The following ACIN1 variants were observed in gnomAD, a reference collection of about 807,000 sequenced individuals.
ACIN1 encodes the protein apoptotic chromatin condensation inducer 1, also known as apoptotic chromatin condensation inducer in the nucleus.
A neutral mutation model predicts 146.6 loss-of-function variants in ACIN1; 16 were observed. That is an observed-to-expected ratio of 0.11 (90% CI 0.07 to 0.17). The LOEUF (loss-of-function observed/expected upper bound fraction) is 0.17. ACIN1 is among the 10% of genes least tolerant of loss of function. ACIN1 has a pLI of 1.00. For synonymous variants in ACIN1, 569 were observed against 582.7 expected (o/e 0.98, Z 0.34); for missense variants, 1,357 against 1,609.3 (o/e 0.84, Z 2.68).
At chr14:23,072,081 G>A (rs1395723837) in intron 8 of ACIN1, among the ~76,000 whole-genome samples, 1 of 152,150 alleles carries the variant, frequency 6.6e-6, no homozygotes, top group African/African-American at 2.4e-5. Context: ...GAGGTGGGAT[G>A]GGAATTGTCA....
chr14:23,094,635 G>T, intron 1 of ACIN1: 4 of 850,826 alleles, frequency 4.7e-6, no homozygotes, highest in Non-Finnish European at 6.2e-6. Flanking sequence ...CAGCAACGCC[G>T]TAGGTTGTAG....
chr14:23,084,616 G>GAA (rs1197980124), intron 4 of ACIN1, among the ~76,000 whole-genome samples: 1,290 of 105,162 alleles, frequency 0.012, 23 homozygotes, highest in African/African-American at 0.046. Context: ...TCTCAAAAAA[G>GAA]AAAAAAAAAA....
In ACIN1 at chr14:23,079,574, A is replaced by AGAATGT. The variant is rs148403158; in HGVS notation, c.1760_1761insACATTC (p.Ser587_Arg588insHisSer). ...TTCTGCTGTTGCTTGATGCTGAACG[A>AGAATGT]GAACGTGAACGTGACCTTGATCTGG... On this transcript the variant is annotated inframe_insertion, in exon 6 of 19. Coordinates refer to ENST00000605057, the MANE Select transcript of ACIN1 (RefSeq NM_001386863.1). 2.6e-6 allele frequency: 4 copies of AGAATGT among 1,555,996 alleles called. No homozygotes were observed. The highest frequency in any genetic ancestry group is 1.4e-5 in the African/African-American group (1 of 73,578).
In ACIN1 at chr14:23,061,409, G is replaced by A. The variant is rs1159894752; in HGVS notation, c.3313C>T (p.Arg1105Cys). The change falls in exon 17 of 19, where the codon CGT becomes TGT. Residue 1105 changes from arginine (R) to cysteine (C), a missense_variant. Transcript: ENST00000605057. ...CGAACTTTGTCCCGATCCCATTCAC[G>A]CTCTGATCGAGTCCGCTCCCGCCGC... Reference protein sequence around the residue: ...MERRERTRSEREWDRDKVREG... With the variant: ...MERRERTRSECEWDRDKVREG... The A allele has an allele frequency of 1.2e-6, 2 of 1,613,748 alleles. No homozygotes were observed. The highest frequency in any genetic ancestry group is 1.3e-5 in the African/African-American group (1 of 74,842).
At chr14:23,082,250 A>G (rs972760092) in intron 4 of ACIN1, among the ~76,000 whole-genome samples, 1 of 152,116 alleles carries the variant, frequency 6.6e-6, no homozygotes, top group African/African-American at 2.4e-5. Context: ...GCCTATTACT[A>G]CTACTTTCTA....
At chr14:23,062,336 G>C in intron 15 of ACIN1, 61 bp from the exon 16 acceptor site, 1 of 1,597,782 alleles carries the variant, frequency 6.3e-7, no homozygotes, top group Non-Finnish European at 8.6e-7. Flanking sequence ...CCCACGTGCT[G>C]CAACACCCTT....
At position 23,061,529 on chromosome 14, in the gene ACIN1, G is replaced by A. The variant is rs200716121; in HGVS notation, c.3193C>T (p.Pro1065Ser). Reference protein sequence around the residue: ...IPRPLHPPPPPPVQPPQHPRA... With the variant: ...IPRPLHPPPPSPVQPPQHPRA... The stretch of plus-strand genomic sequence containing the variant: ...GGGTGCTGTGGTGGCTGGACCGGGG[G>A]TGGGGGTGGGGGGTGCAGGGGCCGT... Residue 1065 changes from proline (P) to serine (S), a missense_variant, in exon 17 of 19, where the codon CCC (proline) becomes TCC (serine). Pro to Ser is a moderately conservative substitution (Grantham distance 74). Coordinates refer to ENST00000605057, the MANE Select transcript of ACIN1 (RefSeq NM_001386863.1). The A allele has an allele frequency of 3.7e-4, 587 of 1,603,148 alleles. 6 individuals are homozygous for A. In the Admixed American group the frequency reaches 9.3e-3, roughly 26 times the overall value.
intron 8 of ACIN1, among the ~76,000 whole-genome samples, chr14:23,074,328 G>A (rs1031455944): frequency 1.3e-5 from 2 of 151,904 alleles, no homozygotes; most frequent in Admixed American, 1.3e-4. Context: ...CACTTTGGGA[G>A]GCTGAGACAG....
chr14:23,084,395 G>A (rs189919903), intron 4 of ACIN1, among the ~76,000 whole-genome samples: 68 of 152,120 alleles, frequency 4.5e-4, no homozygotes, highest in Admixed American at 1.0e-3. Flanking sequence ...TCACGAGGTC[G>A]GGAGTTTGAG....
At chr14:23,091,340 T>C (rs1017178801) in intron 2 of ACIN1, among the ~76,000 whole-genome samples, 1 of 152,146 alleles carries the variant, frequency 6.6e-6, no homozygotes, top group African/African-American at 2.4e-5. Flanking sequence ...GGCTCACGTC[T>C]GTAATCCCAG....
intron 3 of ACIN1, 48 bp from the exon 4 acceptor site, chr14:23,090,149 G>A (rs548275546): frequency 2.5e-6 from 4 of 1,594,926 alleles, no homozygotes; most frequent in East Asian, 2.2e-5. Flanking sequence ...GAAGGACTCA[G>A]CATGTAGGAA....
intron 5 of ACIN1, 28 bp downstream of exon 5, chr14:23,081,720 G>T (rs578100495): frequency 1.9e-6 from 3 of 1,549,466 alleles, no homozygotes; most frequent in Admixed American, 1.8e-5. Flanking sequence ...TACTGAAGAG[G>T]TAATGCTTTA....
chr14:23,081,287 TTGAA>T (rs1251928860), intron 5 of ACIN1, among the ~76,000 whole-genome samples: 2 of 152,238 alleles, frequency 1.3e-5, no homozygotes, highest in Non-Finnish European at 2.9e-5. Flanking sequence ...AAAGCTTTGA[TTGAA>T]TGGTTAATTA....
chr14:23,093,346 T>G, intron 2 of ACIN1, 133 bp downstream of exon 2: 4 of 892,152 alleles, frequency 4.5e-6, no homozygotes, highest in Non-Finnish European at 7.1e-6. Flanking sequence ...TGTCCTGGTT[T>G]GAGAACATTT....
In ACIN1 at chr14:23,068,207, T is replaced by C; in HGVS notation, c.2265+1269A>G. On this transcript the variant is annotated intron_variant, in intron 9 of 18. Transcript: ENST00000605057. This position sits in a 1 kb window ranked among gnomAD's most constrained non-coding sequence, Gnocchi z 4.3. ...TCACAGCTTAAGTAGAGGGTCCCAC[T>C]CAGTGTTTTACAGCATGGCACTGCG... 1 of 985,884 alleles carries C rather than the reference T, an allele frequency of 1.0e-6. No individual in the cohort carries two copies. Among genetic ancestry groups the C allele is most frequent in the Non-Finnish European group, 1.2e-6 (1 of 829,946 alleles). The allele number at this position is 985,884 out of a possible 1,614,324, so 61.1% of individuals were successfully genotyped here.
chr14:23,064,193 T>A lies in ACIN1; in HGVS notation c.2507A>T (p.Asp836Val). Residue 836 changes from aspartate to valine, a missense_variant, in exon 12 of 19, where the codon GAC becomes GTC. Physicochemically the swap from Asp to Val is radical, Grantham distance 152. Around this residue, in one of 4 missense-constraint regions of ACIN1, gnomAD observed 509 missense variants for 719.6 expected, o/e 0.71. Coordinates refer to ENST00000605057, the MANE Select transcript of ACIN1 (RefSeq NM_001386863.1). ...QEAVVDLHAD[D>V]SRISEDETER... is the part of the protein sequence containing the mutation. ...TGTCTCATCCTCAGAGATGCGAGAG[T>A]CATCAGCATGAAGATCCACAACAGC... 6.2e-7 allele frequency: 1 copy of A among 1,613,904 alleles called. No homozygotes were observed. The highest frequency in any genetic ancestry group is 8.5e-7 in the Non-Finnish European group (1 of 1,179,998).
rs752837363 is a variant in ACIN1 at position 23,079,665 on chromosome 14, G to C, written c.1670C>G (p.Ala557Gly). ...SPLRSKQRDV[A>G]QARTHANPRG... ...AGGGTTGGCATGAGTACGTGCCTGG[G>C]CTACATCTCTCTGCTTGGATCTGAG... Residue 557 changes from alanine to glycine, a missense_variant, in exon 6 of 19, where the codon GCC (alanine) becomes GGC (glycine). Transcript: ENST00000605057. 6.2e-7 allele frequency: 1 copy of C among 1,614,050 alleles called. No homozygotes were observed. Among genetic ancestry groups the C allele is most frequent in the South Asian group, 1.1e-5 (1 of 91,084 alleles).
intron 8 of ACIN1, chr14:23,071,738 G>T: frequency 1.7e-6 from 1 of 598,840 alleles, no homozygotes; most frequent in Non-Finnish European, 2.8e-6. Context: ...CAGCTACAGA[G>T]GCTTAACCCC....
intron 8 of ACIN1, among the ~76,000 whole-genome samples, chr14:23,072,951 T>C (rs935417879): frequency 6.6e-6 from 1 of 152,220 alleles, no homozygotes; most frequent in Non-Finnish European, 1.5e-5. Flanking sequence ...ATAGTGACAA[T>C]ACCTATTTCA....
Sources: gnomAD v4.1 joint callset for allele counts (sites outside exome capture counted in the v4.1 genomes callset) on GRCh38, gnomAD v4.1.1 for gene constraint, gnomAD v4.1.1 regional missense constraint, Gnocchi (gnomAD v3.1) non-coding constraint, MANE v1.5 for transcripts, NCBI Gene and HGNC (gene_info 2026-07-23, HGNC 2026-07-21) for gene names.